The following EVPLL variants were observed in gnomAD, a reference collection of about 807,000 sequenced individuals.
The protein encoded by EVPLL is envoplakin like.
In EVPLL, 39 loss-of-function variants were observed where a neutral mutation model predicts 46.2. The ratio of observed to expected loss-of-function variants is 0.84; its 90% confidence interval spans 0.65 to 1.10. The LOEUF (loss-of-function observed/expected upper bound fraction) is 1.10. Ranked by LOEUF, EVPLL falls within the 50% of genes least tolerant of loss-of-function variation. EVPLL has a pLI of 0.00. For missense variants in EVPLL, 385 were observed against 412.6 expected, an observed-to-expected ratio of 0.93 and a Z score of 0.58; for synonymous variants, 156 against 165.8, an observed-to-expected ratio of 0.94 and a Z score of 0.46.
intron 9 of EVPLL, among the ~76,000 whole-genome samples, chr17:18,385,473 G>C (rs1987737910): frequency 7.5e-6 from 1 of 133,660 alleles, no homozygotes; most frequent in African/African-American, 2.9e-5. Context: ...CTGCACAGAG[G>C]GCACCTGTGC....
Position 18,381,130 on chromosome 17 carries a change from C to A in EVPLL, c.63+130C>A. 4.8e-6 allele frequency: 6 copies of A among 1,248,808 alleles called. No individual in the cohort carries two copies. In the Admixed American group the frequency reaches 1.1e-4, roughly 23 times the overall value. 77.4% of individuals were successfully genotyped at this position (1,248,808 alleles called of 1,614,324 possible). On this transcript the variant is annotated intron_variant, in intron 2 of 10. Transcript: ENST00000399134. This position sits in a 1 kb window ranked among gnomAD's most constrained non-coding sequence, Gnocchi z 4.2. ...TGGGACAGATGACATTTGTCCTGCA[C>A]CGCCTGTCCCCTAACACACGGTGGG... is the stretch of plus-strand genomic sequence containing the variant.
At position 18,388,282 on chromosome 17, in the gene EVPLL, G is replaced by T. The variant is rs748098310; in HGVS notation, c.*34G>T. 6.9e-7 allele frequency: 1 copy of T among 1,441,840 alleles called. No individual in the cohort carries two copies. The highest frequency in any genetic ancestry group is 1.2e-5 in the South Asian group (1 of 81,688). 89.3% of individuals were successfully genotyped at this position (1,441,840 alleles called of 1,614,324 possible). ...GAAGGGGATTTCTGGTGGAGTAAGGGTAGCAGGTGAGAAATGAAGTACCAA... is the reference window on the plus strand; with the variant it reads ...GAAGGGGATTTCTGGTGGAGTAAGGTTAGCAGGTGAGAAATGAAGTACCAA... On this transcript the variant is annotated 3_prime_UTR_variant, in exon 10 of 11. Transcript: ENST00000399134.
At chr17:18,379,900 G>T (rs1987503223) in intron 1 of EVPLL, 1 of 152,270 alleles carries the variant, frequency 6.6e-6, no homozygotes, top group East Asian at 1.9e-4. Flanking sequence ...TACGAGTGAG[G>T]AACCTCAGGC....
chr17:18,378,923 T>C (rs1987471936), intron 1 of EVPLL, among the ~76,000 whole-genome samples: 1 of 151,884 alleles, frequency 6.6e-6, no homozygotes, highest in Non-Finnish European at 1.5e-5. Context: ...ATAAAAAATA[T>C]ACAAAAATTA....
At chr17:18,384,500 C>G (rs550616552) in intron 9 of EVPLL, among the ~76,000 whole-genome samples, 1 of 151,532 alleles carries the variant, frequency 6.6e-6, no homozygotes, top group African/African-American at 2.4e-5. Flanking sequence ...GAGGCCGAGG[C>G]GGGTGGATCA....
rs1298369663 is a variant in EVPLL, at chr17:18,389,468, A to T, written c.*652A>T. On this transcript the variant is annotated 3_prime_UTR_variant, in exon 11 of 11. Coordinates refer to ENST00000399134, the MANE Select transcript of EVPLL (RefSeq NM_001145127.2). Reference sequence around the variant, plus strand: ...TTGCTCCCTGGTACGGGCTCTTCTTAACAGGCAGGCAAGGGGTGCGGGGAC... The same window carrying T: ...TTGCTCCCTGGTACGGGCTCTTCTTTACAGGCAGGCAAGGGGTGCGGGGAC... 6.5e-5 allele frequency: 6 copies of T among 92,020 alleles called. 2 individuals carry two copies. Among genetic ancestry groups the T allele is most frequent in the Non-Finnish European group, 1.4e-4 (6 of 42,122 alleles). The allele number at this position is 92,020 out of a possible 1,614,324, so 5.7% of individuals were successfully genotyped here.
rs1424424148 is a variant in EVPLL, at chr17:18,377,948, G to A, written c.-72G>A. ...GGTCCCCCAAGGACTCCCCAGCCAA[G>A]GGGTCCCCCAAAGGCTCCCCCAGCA... is the stretch of plus-strand genomic sequence containing the variant. On this transcript the variant is annotated 5_prime_UTR_variant, in exon 1 of 11. Coordinates refer to ENST00000399134, the MANE Select transcript of EVPLL (RefSeq NM_001145127.2). 4.8e-5 allele frequency: 52 copies of A among 1,080,572 alleles called. No individual in the cohort carries two copies. Among genetic ancestry groups the A allele is most frequent in the Non-Finnish European group, 6.3e-5 (49 of 781,244 alleles). 66.9% of individuals were successfully genotyped at this position (1,080,572 alleles called of 1,614,324 possible).
intron 4 of EVPLL, 112 bp from the exon 5 acceptor site, chr17:18,382,401 C>T (rs1185119333): frequency 2.1e-5 from 31 of 1,445,090 alleles, no homozygotes; most frequent in Non-Finnish European, 2.7e-5. Flanking sequence ...CTCTCAGGCT[C>T]GTCCACGCTC....
Position 18,377,886 on chromosome 17 carries a change from A to G in EVPLL, c.-134A>G, listed in dbSNP as rs953418933. 60 of 1,083,350 alleles carry G rather than the reference A, an allele frequency of 5.5e-5. No homozygotes were observed. The highest frequency in any genetic ancestry group is 4.1e-4 in the African/African-American group (25 of 60,304). The allele number at this position is 1,083,350 out of a possible 1,614,324, so 67.1% of individuals were successfully genotyped here. A position where few individuals can be genotyped will look rare whatever the true frequency, so the allele number is the denominator to read the frequency against. ...TGAGCCAGCACCTGCCTTTATGACC[A>G]TGTTCAAGGGACTGAGCAAAGGCTC... On this transcript the variant is annotated 5_prime_UTR_variant, in exon 1 of 11. An upstream start codon of the reference 5' UTR is lost. Coordinates refer to ENST00000399134, the MANE Select transcript of EVPLL (RefSeq NM_001145127.2).
In EVPLL at chr17:18,381,444, G is replaced by A. The variant is rs1410108567; in HGVS notation, c.141G>A (p.Val47=). The part of the protein sequence containing the change: ...ETGSSLKEAE[V]LLKDLFLDVD... ...GCAGCAGCCTGAAGGAGGCCGAGGT[G>A]CTGCTCAAGGACCTCTTCCTGGACG... is the stretch of plus-strand genomic sequence containing the variant. Residue 47 remains valine (V), a synonymous_variant, in exon 3 of 11, where the codon GTG becomes GTA. Coordinates refer to ENST00000399134, the MANE Select transcript of EVPLL (RefSeq NM_001145127.2). The surrounding 1 kb of genome is among the most constrained non-coding windows in gnomAD (Gnocchi z 4.2). 2 of 1,613,198 alleles carry A rather than the reference G, an allele frequency of 1.2e-6. No homozygotes were observed. Among genetic ancestry groups the A allele is most frequent in the African/African-American group, 1.3e-5 (1 of 75,036 alleles).
rs547769912 is a variant in EVPLL, at chr17:18,388,246, T to G, written c.904T>G (p.Ter302GlyextTer228). The change falls in exon 10 of 11, where the codon TGA becomes GGA. Residue 302 changes from the stop codon to glycine (G), a stop_lost. Coordinates refer to ENST00000399134, the MANE Select transcript of EVPLL (RefSeq NM_001145127.2). ...RILCPSSSPH* is the reference protein window; with the variant it reads ...RILCPSSSPHG ...TCTGTGTCCATCTTCCTCTCCTCAT[T>G]GACTCTGCATGAAGGGGATTTCTGG... 1.2e-5 allele frequency: 18 copies of G among 1,469,954 alleles called. No homozygotes were observed. In the African/African-American group the frequency reaches 2.3e-4, roughly 19 times the overall value. 91.1% of individuals were successfully genotyped at this position (1,469,954 alleles called of 1,614,324 possible). A position where few individuals can be genotyped will look rare whatever the true frequency, so the allele number is the denominator to read the frequency against.
rs187614461 is a variant in EVPLL at position 18,381,317 on chromosome 17, G to A, written c.64-50G>A. On this transcript the variant is annotated intron_variant, in intron 2 of 10. Transcript: ENST00000399134. This position sits in a 1 kb window ranked among gnomAD's most constrained non-coding sequence, Gnocchi z 4.2. ...TCAGGCCCACAATGATGGGCAGCAG[G>A]GGTGTGGGGGCTCTGGACCCTGGCA... is the stretch of plus-strand genomic sequence containing the variant. The A allele has an allele frequency of 2.2e-4, 337 of 1,502,308 alleles. 1 individual carries two copies. In the African/African-American group the frequency reaches 4.2e-3, roughly 19 times the overall value. The allele number at this position is 1,502,308 out of a possible 1,614,324, so 93.1% of individuals were successfully genotyped here. A position where few individuals can be genotyped will look rare whatever the true frequency, so the allele number is the denominator to read the frequency against.
chr17:18,382,891 G>T (rs1189327438), intron 6 of EVPLL, 27 bp downstream of exon 6: 9 of 1,596,738 alleles, frequency 5.6e-6, no homozygotes, highest in Non-Finnish European at 6.8e-6. Flanking sequence ...GTCGGGCAGG[G>T]TGGCTGCAGG....
chr17:18,383,249 TC>T, intron 7 of EVPLL, 21 bp from the exon 8 acceptor site: 1 of 1,561,864 alleles, frequency 6.4e-7, no homozygotes. Flanking sequence ...TCACCGCCGC[TC>T]CCCACCCGAC....
At chr17:18,385,067 GGA>G (rs991223807) in intron 9 of EVPLL, among the ~76,000 whole-genome samples, 1 of 151,616 alleles carries the variant, frequency 6.6e-6, no homozygotes, top group Admixed American at 6.6e-5. Flanking sequence ...AGGGAGAGAG[GGA>G]GAGAGAGACA....
At chr17:18,385,399 G>T (rs1987735597) in intron 9 of EVPLL, among the ~76,000 whole-genome samples, 1 of 101,056 alleles carries the variant, frequency 9.9e-6, no homozygotes, top group Non-Finnish European at 2.2e-5. Flanking sequence ...GCCCAAAGTA[G>T]CCGGGTACCC....
rs1987630451 is a variant in EVPLL at position 18,382,859 on chromosome 17, C to G, written c.506C>G (p.Pro169Arg). ...CACCATCCGGAGCCAATACCGAGACCTACTGGTGAGCAGGAGGGAGGGTCG... is the reference window on the plus strand; with the variant it reads ...CACCATCCGGAGCCAATACCGAGACGTACTGGTGAGCAGGAGGGAGGGTCG... ...CRHHPEPIPRPTEGGVVARAE... is the reference protein window; with the variant it reads ...CRHHPEPIPRRTEGGVVARAE... The change falls in exon 6 of 11, where the codon CCT becomes CGT. Residue 169 changes from proline to arginine, a missense_variant. Transcript: ENST00000399134. The G allele has an allele frequency of 2.5e-6, 4 of 1,613,424 alleles. No individual in the cohort carries two copies. Among genetic ancestry groups the G allele is most frequent in the Non-Finnish European group, 3.4e-6 (4 of 1,179,724 alleles).
chr17:18,382,236 G>C, intron 4 of EVPLL: 1 of 399,918 alleles, frequency 2.5e-6, no homozygotes, highest in South Asian at 2.6e-5. Flanking sequence ...CTGGGTCACA[G>C]ACAAGGCAGG....
intron 1 of EVPLL, 70 bp from the exon 2 acceptor site, chr17:18,380,832 G>T: frequency 7.5e-7 from 1 of 1,333,052 alleles, no homozygotes; most frequent in Admixed American, 2.0e-5. Flanking sequence ...GAGGGCAGGG[G>T]ACGCCACCTG....
Sources: allele counts gnomAD v4.1 joint callset (sites outside exome capture counted in the v4.1 genomes callset), GRCh38; gene constraint gnomAD v4.1.1; non-coding constraint Gnocchi (gnomAD v3.1); transcripts MANE v1.5; gene names NCBI Gene and HGNC (gene_info 2026-07-23, HGNC 2026-07-21).